Variants in NECTIN1 observed in about 807,000 individuals in gnomAD.
The protein encoded by NECTIN1 is nectin cell adhesion molecule 1.
NECTIN1 carries 23 observed loss-of-function variants against 48.0 expected under a neutral mutation model. The ratio of observed to expected loss-of-function variants is 0.48; its 90% CI spans 0.34 to 0.68. The LOEUF (loss-of-function observed/expected upper bound fraction) is 0.68. Among genes scored for constraint, NECTIN1 ranks in the 30% least tolerant of loss-of-function variants. The pLI, the probability that NECTIN1 is intolerant of heterozygous loss-of-function variation, is 0.01. For missense variants in NECTIN1, 591 were observed against 709.9 expected (o/e 0.83, Z 1.90); for synonymous variants, 270 against 288.9 (o/e 0.93, Z 0.66).
chr11:119,660,156 C>G (rs979901895), downstream of NECTIN1, among the ~76,000 whole-genome samples: 3 of 152,184 alleles, frequency 2.0e-5, no homozygotes, highest in Non-Finnish European at 2.9e-5. Context: ...TTTACCCCCT[C>G]CCTTTCCCAG....
At position 119,638,956 on chromosome 11, in the gene NECTIN1, CT is replaced by C. The variant is rs1864279304; in HGVS notation, c.1152-151del. The C allele has an allele frequency of 3.8e-5, 25 of 656,990 alleles. 1 individual carries two copies. The South Asian group carries it at 3.9e-4, about 10-fold the overall frequency. 40.7% of individuals were successfully genotyped at this position (656,990 alleles called of 1,614,324 possible). On this transcript the variant is annotated intron_variant, in intron 6 of 7. Transcript: ENST00000341398. ...CAGGCAGCCTCCTGAGAGGCCAGAG[CT>C]TGGGCTGGGGCTCCTCAGGGGTCAT...
At chr11:119,640,146 G>T in intron 5 of NECTIN1, 1 of 984,632 alleles carries the variant, frequency 1.0e-6, no homozygotes, top group South Asian at 1.4e-5. Flanking sequence ...CCCTCCCCAT[G>T]GTGCTCCAGT....
At chr11:119,674,743 A>G (rs1864919339) in intron 5 of NECTIN1, 2 of 1,610,816 alleles carry the variant, frequency 1.2e-6, no homozygotes, top group African/African-American at 1.3e-5. Flanking sequence ...GGTAAGCCTC[A>G]CTTTCTGGCC....
intron 5 of NECTIN1, chr11:119,654,225 G>A (rs1028582435): frequency 6.6e-6 from 1 of 151,780 alleles, no homozygotes; most frequent in African/African-American, 2.4e-5. Context: ...CAACTCAAAG[G>A]TTTACTTGCC....
rs150553818 is a variant in NECTIN1, at chr11:119,675,174, C to T, written c.988G>A (p.Glu330Lys). The change falls in exon 5 of 6, where the codon GAG (glutamate) becomes AAG (lysine). Residue 330 changes from glutamate (E) to lysine (K), a missense_variant. Glu to Lys is a moderately conservative substitution (Grantham distance 56, BLOSUM62 1). Transcript: ENST00000264025. ...NPIGTRSGQV[E>K]VNITEFPYTP... The stretch of plus-strand genomic sequence containing the variant: ...AGCTTCCTACCTGTGATATTGACCT[C>T]CACCTGGCCTGAGCGTGTACCGATG... 1,658 of 1,614,144 alleles carry T rather than the reference C, an allele frequency of 1.0e-3. 14 individuals are homozygous for T. The African/African-American group carries it at 0.018, about 18-fold the overall frequency.
At position 119,678,842 on chromosome 11, in the gene NECTIN1, C is replaced by T; in HGVS notation, c.80-77G>A. On this transcript the variant is annotated intron_variant, in intron 1 of 5. Coordinates refer to ENST00000264025, the MANE Select transcript of NECTIN1 (RefSeq NM_002855.5). This position sits in a 1 kb window ranked among gnomAD's most constrained non-coding sequence, Gnocchi z 4.4. ...ACCCACACAGTTCCCTGTGCTCTGG[C>T]CTTGTCTTTTATAGCAGTCATTATT... The T allele has an allele frequency of 1.0e-6, 1 of 989,212 alleles. No individual in the cohort carries two copies. Among genetic ancestry groups the T allele is most frequent in the Non-Finnish European group, 1.6e-6 (1 of 635,998 alleles). The allele number at this position is 989,212 out of a possible 1,614,324, so 61.3% of individuals were successfully genotyped here.
chr11:119,714,363 C>T (rs1201647614), intron 1 of NECTIN1, among the ~76,000 whole-genome samples: 2 of 152,186 alleles, frequency 1.3e-5, no homozygotes, highest in African/African-American at 4.8e-5. Flanking sequence ...AGAGCCACTG[C>T]ACCATGGCAC....
chr11:119,640,561 A>C (rs1194399825), intron 5 of NECTIN1: 1 of 165,194 alleles, frequency 6.1e-6, no homozygotes, highest in East Asian at 1.7e-4. Context: ...AAAAGCCCAG[A>C]GGGCTGTGGT....
At chr11:119,643,317 G>T in intron 5 of NECTIN1, among the ~76,000 whole-genome samples, 1 of 152,234 alleles carries the variant, frequency 6.6e-6, no homozygotes, top group East Asian at 1.9e-4. Context: ...CACTGTGCCA[G>T]GTGCCTTTGC....
chr11:119,682,722 T>C (rs1183897658), intron 1 of NECTIN1, among the ~76,000 whole-genome samples: 1 of 152,166 alleles, frequency 6.6e-6, no homozygotes, highest in African/African-American at 2.4e-5. Context: ...TTAGGACAAA[T>C]GAAAGGCTCA....
intron 1 of NECTIN1, chr11:119,713,899 G>C (rs764011831): frequency 4.4e-6 from 2 of 455,814 alleles, no homozygotes; most frequent in South Asian, 1.5e-5. Flanking sequence ...GATGCCAGGG[G>C]GGTGCCAAGG....
chr11:119,728,556 G>T lies in NECTIN1; in HGVS notation c.-3C>A. The T allele has an allele frequency of 6.4e-7, 1 of 1,573,120 alleles. No individual in the cohort carries two copies. The highest frequency in any genetic ancestry group is 8.6e-7 in the Non-Finnish European group (1 of 1,158,334). ...CCCGCAAGCCCCATCCGAGCCATCG[G>T]GGGCCGGGGGTCCGGCGAGAGGGGC... is the stretch of plus-strand genomic sequence containing the variant. On this transcript the variant is annotated 5_prime_UTR_variant, in exon 1 of 6. Transcript: ENST00000264025.
intron 5 of NECTIN1, chr11:119,642,061 C>G (rs1209943575): frequency 6.6e-6 from 1 of 152,234 alleles, no homozygotes; most frequent in Non-Finnish European, 1.5e-5. Flanking sequence ...ACTGTGATTG[C>G]ACGTCTGACT....
intron 5 of NECTIN1, among the ~76,000 whole-genome samples, chr11:119,648,761 C>T (rs1864449797): frequency 6.6e-6 from 1 of 152,052 alleles, no homozygotes; most frequent in Non-Finnish European, 1.5e-5. Context: ...GCCCCCTTCC[C>T]TCCCTCAGTT....
chr11:119,680,027 C>T (rs1865030996), intron 1 of NECTIN1, among the ~76,000 whole-genome samples: 1 of 152,230 alleles, frequency 6.6e-6, no homozygotes, highest in African/African-American at 2.4e-5. Context: ...ATCCCCAGTG[C>T]CCAGTGCAGC....
At chr11:119,704,834 G>C (rs1030036547) in intron 1 of NECTIN1, among the ~76,000 whole-genome samples, 1 of 152,232 alleles carries the variant, frequency 6.6e-6, no homozygotes, top group East Asian at 1.9e-4. Context: ...CGCCAGGGAG[G>C]GGGGACCAGG....
In NECTIN1 at chr11:119,678,687, A is replaced by C; in HGVS notation, c.158T>G (p.Phe53Cys). 6.2e-7 allele frequency: 1 copy of C among 1,613,994 alleles called. No individual in the cohort carries two copies. Residue 53 changes from phenylalanine (F) to cysteine (C), a missense_variant, in exon 2 of 6, where the codon TTT (phenylalanine) becomes TGT (cysteine). Transcript: ENST00000264025. The surrounding 1 kb of genome is among the most constrained non-coding windows in gnomAD (Gnocchi z 4.4). ...IGTDVVLHCS[F>C]ANPLPSVKIT... ...CTTCACGCTGGGAAGCGGGTTGGCAAAGCTGCAGTGCAGAACCACGTCTGT... is the reference window on the plus strand; with the variant it reads ...CTTCACGCTGGGAAGCGGGTTGGCACAGCTGCAGTGCAGAACCACGTCTGT...
chr11:119,727,050 T>C lies in NECTIN1; in HGVS notation c.79+1425A>G, dbSNP rs1370985115. On this transcript the variant is annotated intron_variant, in intron 1 of 5. Coordinates refer to ENST00000264025, the MANE Select transcript of NECTIN1 (RefSeq NM_002855.5). This position sits in a 1 kb window ranked among gnomAD's most constrained non-coding sequence, Gnocchi z 4.1. ...ATCGAGCAGGGCAGCACCCCAGGCT[T>C]CACGGGTGGAGGCACCCCAGTACTG... 2.0e-5 allele frequency among the ~76,000 whole-genome samples: 3 copies of C among 152,038 alleles called. No homozygotes were observed. The highest frequency in any genetic ancestry group is 4.4e-5 in the Non-Finnish European group (3 of 67,996).
chr11:119,726,402 G>A (rs907980147), intron 1 of NECTIN1, among the ~76,000 whole-genome samples: 21 of 152,188 alleles, frequency 1.4e-4, no homozygotes, highest in African/African-American at 3.4e-4. Context: ...CCAGCCACTG[G>A]GCAGAGGAGC....
Sources: gnomAD v4.1 joint callset for allele counts (sites outside exome capture counted in the v4.1 genomes callset) on GRCh38, gnomAD v4.1.1 for gene constraint, Gnocchi (gnomAD v3.1) non-coding constraint, MANE v1.5 for transcripts, NCBI Gene and HGNC (gene_info 2026-07-23, HGNC 2026-07-21) for gene names.